ARHGEF40: variants seen among roughly 807,000 people sequenced by gnomAD.
ARHGEF40 encodes the protein Rho guanine nucleotide exchange factor (GEF) 40.
Under a neutral mutation model 165.9 loss-of-function variants are expected in ARHGEF40, and 98 were observed. The observed-to-expected ratio is 0.59, with a 90% CI of 0.50 to 0.70. The LOEUF (loss-of-function observed/expected upper bound fraction) is 0.70. ARHGEF40 is among the 30% of genes least tolerant of loss of function. The pLI is 0.00. For synonymous variants in ARHGEF40, 792 were observed against 814.3 expected, an observed-to-expected ratio of 0.97 and a Z score of 0.47; for missense variants, 1,815 against 1,968.0, an observed-to-expected ratio of 0.92 and a Z score of 1.47.
At chr14:21,085,019 G>A in intron 18 of ARHGEF40, 96 bp downstream of exon 18, 1 of 1,449,440 alleles carries the variant, frequency 6.9e-7, no homozygotes, top group Non-Finnish European at 9.4e-7. Context: ...CAGAGGTTCA[G>A]AATCTGCATC....
At chr14:21,061,848 T>C in the ARHGEF40 span, among the ~76,000 whole-genome samples, 1 of 152,226 alleles carries the variant, frequency 6.6e-6, no homozygotes, top group African/African-American at 2.4e-5. Context: ...TAAGAAAACA[T>C]AGAAATTGAA....
the ARHGEF40 span, among the ~76,000 whole-genome samples, chr14:21,062,640 C>G: frequency 1.3e-5 from 2 of 151,418 alleles, no homozygotes; most frequent in Non-Finnish European, 2.9e-5. Flanking sequence ...CTTGGCCAAA[C>G]TTGGAGTTTG....
In ARHGEF40 at chr14:21,078,376, G is replaced by T. The variant is rs1251547235; in HGVS notation, c.2134G>T (p.Ala712Ser). 6.2e-7 allele frequency: 1 copy of T among 1,604,236 alleles called. No homozygotes were observed. Among genetic ancestry groups the T allele is most frequent in the East Asian group, 2.2e-5 (1 of 44,766 alleles). The change falls in exon 10 of 24, where the codon GCA becomes TCA. Residue 712 changes from alanine to serine, a missense_variant. Physicochemically the swap from Ala to Ser is moderately conservative, Grantham distance 99. Transcript: ENST00000298694. ...GGCAACTCCTCCCTATCCCCAGGAG[G>T]CAGTGGGAATGCCCAAGCCACTGCA... is the stretch of plus-strand genomic sequence containing the variant. Reference protein sequence around the residue: ...EGAAEPEEEEAVGMPKPLQKV... With the variant: ...EGAAEPEEEESVGMPKPLQKV...
upstream of ARHGEF40, among the ~76,000 whole-genome samples, chr14:21,065,759 GT>G (rs1255952762): frequency 6.6e-6 from 1 of 152,134 alleles, no homozygotes; most frequent in African/African-American, 2.4e-5. Context: ...GAGCAAAAAG[GT>G]GCCAAATTAA....
At chr14:21,067,761 T>TACGC (rs1555335812), upstream of ARHGEF40, among the ~76,000 whole-genome samples, 1 of 150,022 alleles carries the variant, frequency 6.7e-6, no homozygotes, top group Admixed American at 6.6e-5. Context: ...TGTACACACG[T>TACGC]ACACACACAC....
chr14:21,076,330 C>T (rs775822130), intron 5 of ARHGEF40, 30 bp from the exon 6 acceptor site: 30 of 1,587,744 alleles, frequency 1.9e-5, no homozygotes, highest in Non-Finnish European at 2.6e-5. Flanking sequence ...ACACACACAG[C>T]AGCCTCCTTG....
chr14:21,073,813 G>A lies in ARHGEF40; in HGVS notation c.202-119G>A. On this transcript the variant is annotated intron_variant, in intron 2 of 23. Coordinates refer to ENST00000298694, the MANE Select transcript of ARHGEF40 (RefSeq NM_018071.5). This position sits in a 1 kb window ranked among gnomAD's most constrained non-coding sequence, Gnocchi z 4.6. ...CCCAAATCTCCCCTCCTGCTCTCCTGAGAGTATAACCTTCCAGGCATAAGG... is the reference window on the plus strand; with the variant it reads ...CCCAAATCTCCCCTCCTGCTCTCCTAAGAGTATAACCTTCCAGGCATAAGG... 3 of 1,206,204 alleles carry A rather than the reference G, an allele frequency of 2.5e-6. No homozygotes were observed. The highest frequency in any genetic ancestry group is 2.4e-5 in the East Asian group (1 of 41,910). The allele number at this position is 1,206,204 out of a possible 1,614,324, so 74.7% of individuals were successfully genotyped here. A position where few individuals can be genotyped will look rare whatever the true frequency, so the allele number is the denominator to read the frequency against.
At chr14:21,078,733 G>A (rs771028919) in intron 10 of ARHGEF40, 151 bp from the exon 11 acceptor site, 43 of 1,207,968 alleles carry the variant, frequency 3.6e-5, no homozygotes, top group Non-Finnish European at 4.7e-5. Context: ...TAAAGAGTCA[G>A]GATTCAAACC....
In ARHGEF40 at chr14:21,075,550, A is replaced by G. The variant is rs368329545; in HGVS notation, c.1618+51A>G. The G allele has an allele frequency of 4.4e-6, 7 of 1,591,328 alleles. No individual in the cohort carries two copies. Among genetic ancestry groups the G allele is most frequent in the East Asian group, 2.3e-5 (1 of 43,414 alleles). Reference sequence around the variant, plus strand: ...GAAACAGGACTGGGAAAGAGAAGCAATTGGGTGGGCTTGGGGACTGGGGGA... The same window carrying G: ...GAAACAGGACTGGGAAAGAGAAGCAGTTGGGTGGGCTTGGGGACTGGGGGA... On this transcript the variant is annotated intron_variant, in intron 4 of 23. Coordinates refer to ENST00000298694, the MANE Select transcript of ARHGEF40 (RefSeq NM_018071.5). This position sits in a 1 kb window ranked among gnomAD's most constrained non-coding sequence, Gnocchi z 4.5.
Position 21,088,866 on chromosome 14 carries a change from C to A in ARHGEF40, c.4555C>A (p.Leu1519Met), listed in dbSNP as rs1241488227. 7 of 1,612,970 alleles carry A rather than the reference C, an allele frequency of 4.3e-6. No individual in the cohort carries two copies. The highest frequency in any genetic ancestry group is 5.9e-6 in the Non-Finnish European group (7 of 1,179,310). Reference protein sequence around the residue: ...ARALSDPTTPL With the variant: ...ARALSDPTTPM ...AGCCCTGAGTGACCCCACCACGCCT[C>A]TGTGACCTGGGTGAGTCAGCATCCC... The change falls in exon 23 of 24, where the codon CTG becomes ATG. Residue 1519 changes from leucine to methionine, a missense_variant. Physicochemically the swap from Leu to Met is conservative, Grantham distance 15. Coordinates refer to ENST00000298694, the MANE Select transcript of ARHGEF40 (RefSeq NM_018071.5).
chr14:21,086,089 G>A (rs527922877), intron 19 of ARHGEF40: 3 of 529,794 alleles, frequency 5.7e-6, no homozygotes, highest in South Asian at 4.7e-5. Context: ...GCAAGAGCAA[G>A]TAGGGGCCAG....
At chr14:21,076,683 T>TGG in intron 7 of ARHGEF40, 40 bp downstream of exon 7, 1 of 1,606,802 alleles carries the variant, frequency 6.2e-7, no homozygotes, top group Admixed American at 1.7e-5. Flanking sequence ...CCATCAGTAG[T>TGG]GGGGAGAGGA....
At chr14:21,063,854 T>C in the ARHGEF40 span, among the ~76,000 whole-genome samples, 1 of 152,206 alleles carries the variant, frequency 6.6e-6, no homozygotes, top group African/African-American at 2.4e-5. Context: ...GCTTAAAATT[T>C]TTCAGTGAGA....
chr14:21,087,804 A>G (rs1566541226), intron 21 of ARHGEF40, 164 bp from the exon 22 acceptor site: 1 of 925,772 alleles, frequency 1.1e-6, no homozygotes, highest in East Asian at 2.4e-5. Flanking sequence ...TGCTGCTGAC[A>G]ATTTCCTGCC....
At position 21,074,920 on chromosome 14, in the gene ARHGEF40, G is replaced by C; in HGVS notation, c.1190G>C (p.Ser397Thr). 1.9e-6 allele frequency: 3 copies of C among 1,608,220 alleles called. No homozygotes were observed. Among genetic ancestry groups the C allele is most frequent in the Non-Finnish European group, 8.5e-7 (1 of 1,177,716 alleles). The change falls in exon 3 of 24, where the codon AGT becomes ACT. Residue 397 changes from serine to threonine, a missense_variant. Physicochemically the swap from Ser to Thr is moderately conservative, Grantham distance 58. Coordinates refer to ENST00000298694, the MANE Select transcript of ARHGEF40 (RefSeq NM_018071.5). This position sits in a 1 kb window ranked among gnomAD's most constrained non-coding sequence, Gnocchi z 4.8. ...GGGGCTCTTAGCCGAGGAGGGGACA[G>C]TGCCCCACTGAGCCCTGGGGACAAG... The part of the protein sequence containing the change: ...GRGALSRGGD[S>T]APLSPGDKED...
Position 21,081,559 on chromosome 14 carries a change from G to A in ARHGEF40, c.2691G>A (p.Pro897=), listed in dbSNP as rs764891606. The change falls in exon 14 of 24, where the codon CCG becomes CCA. Residue 897 remains proline, a synonymous_variant. Coordinates refer to ENST00000298694, the MANE Select transcript of ARHGEF40 (RefSeq NM_018071.5). Reference sequence around the variant, plus strand: ...TTGCTCGGCTGGCAGGAGCTGGGCCGGGTCGGGAGGCTGTGCTGGCTGCAC... The same window carrying A: ...TTGCTCGGCTGGCAGGAGCTGGGCCAGGTCGGGAGGCTGTGCTGGCTGCAC... ...EGFARLAGAG[P]GREAVLAALA... is the part of the protein sequence containing the mutation. The A allele has an allele frequency of 2.2e-5, 35 of 1,612,826 alleles. No homozygotes were observed. Among genetic ancestry groups the A allele is most frequent in the Admixed American group, 1.0e-4 (6 of 59,982 alleles).
At position 21,078,371 on chromosome 14, in the gene ARHGEF40, A is replaced by C; in HGVS notation, c.2131-2A>C. The C allele has an allele frequency of 6.2e-7, 1 of 1,602,658 alleles. No homozygotes were observed. Among genetic ancestry groups the C allele is most frequent in the Non-Finnish European group, 8.5e-7 (1 of 1,172,920 alleles). On this transcript the variant is annotated splice_acceptor_variant, in intron 9 of 23. Transcript: ENST00000298694. LOFTEE classifies it high-confidence loss of function. ...CAACTGGCAACTCCTCCCTATCCCC[A>C]GGAGGCAGTGGGAATGCCCAAGCCA...
At position 21,074,656 on chromosome 14, in the gene ARHGEF40, G is replaced by A. The variant is rs1887256730; in HGVS notation, c.926G>A (p.Gly309Glu). 6.4e-6 allele frequency: 10 copies of A among 1,568,370 alleles called. No homozygotes were observed. In the East Asian group the frequency reaches 2.3e-4, roughly 37 times the overall value. Residue 309 changes from glycine (G) to glutamate (E), a missense_variant, in exon 3 of 24, where the codon GGG becomes GAG. By Grantham distance (98) the Gly-to-Glu change is moderately conservative. Coordinates refer to ENST00000298694, the MANE Select transcript of ARHGEF40 (RefSeq NM_018071.5). This position sits in a 1 kb window ranked among gnomAD's most constrained non-coding sequence, Gnocchi z 4.8. ...GQDGARPPGE[G>E]SSTGASPESP... ...GATGGAGCACGCCCACCCGGCGAGG[G>A]GAGCAGCACCGGAGCCTCCCCTGAG...
In ARHGEF40 at chr14:21,075,732, A is replaced by G; in HGVS notation, c.1706A>G (p.Asn569Ser). ...EEPPPSRDTLNTTLHYLHSLL... is the reference protein window; with the variant it reads ...EEPPPSRDTLSTTLHYLHSLL... ...CCCCCACCCTCCCGAGACACGCTGA[A>G]CACAACTCTTCATTACCTCCACTCA... Residue 569 changes from asparagine (N) to serine (S), a missense_variant, in exon 5 of 24, where the codon AAC becomes AGC. Asn to Ser is a conservative substitution (Grantham distance 46). Coordinates refer to ENST00000298694, the MANE Select transcript of ARHGEF40 (RefSeq NM_018071.5). This position sits in a 1 kb window ranked among gnomAD's most constrained non-coding sequence, Gnocchi z 4.5. 6.2e-7 allele frequency: 1 copy of G among 1,613,664 alleles called. No homozygotes were observed. Among genetic ancestry groups the G allele is most frequent in the South Asian group, 1.1e-5 (1 of 91,042 alleles).
Sources: allele counts gnomAD v4.1 joint callset (sites outside exome capture counted in the v4.1 genomes callset), GRCh38; gene constraint gnomAD v4.1.1; non-coding constraint Gnocchi (gnomAD v3.1); transcripts MANE v1.5; gene names NCBI Gene and HGNC (gene_info 2026-07-23, HGNC 2026-07-21).